STK32B: variants seen among roughly 807,000 people sequenced by gnomAD.
The protein encoded by STK32B is serine/threonine-protein kinase 32B.
Under a neutral mutation model 52.6 loss-of-function variants are expected in STK32B, and 43 were observed. The observed-to-expected ratio is 0.82, with a 90% CI of 0.64 to 1.05. The LOEUF (loss-of-function observed/expected upper bound fraction) is 1.05, where lower values mean the gene tolerates loss of function less well. Among genes scored for constraint, STK32B ranks in the 50% least tolerant of loss-of-function variants. STK32B has a pLI of 0.00. For synonymous variants in STK32B, 238 were observed against 204.3 expected (o/e 1.17, Z -1.41); for missense variants, 621 against 534.6 (o/e 1.16, Z -1.59).
At chr4:5,096,125 T>C (rs189727108) in intron 1 of STK32B, among the ~76,000 whole-genome samples, 1 of 152,358 alleles carries the variant, frequency 6.6e-6, no homozygotes. Context: ...TTGAAAACAT[T>C]CTAAGAATAT....
intron 11 of STK32B, among the ~76,000 whole-genome samples, chr4:5,495,734 T>G (rs544618783): frequency 3.3e-5 from 5 of 152,266 alleles, no homozygotes; most frequent in African/African-American, 1.2e-4. Context: ...TTGATGATGG[T>G]GATGTACAGA....
chr4:5,233,261 A>G (rs1405644596), intron 3 of STK32B, among the ~76,000 whole-genome samples: 3 of 152,170 alleles, frequency 2.0e-5, no homozygotes, highest in Non-Finnish European at 4.4e-5. Context: ...AGGCAAGGTT[A>G]TGTGGTATTC....
intron 3 of STK32B, among the ~76,000 whole-genome samples, chr4:5,263,781 A>T (rs1256580463): frequency 6.6e-6 from 1 of 152,156 alleles, no homozygotes; most frequent in East Asian, 1.9e-4. Flanking sequence ...TTTATAGACT[A>T]TTTCTATCAT....
At chr4:5,112,342 G>C (rs544396016) in intron 1 of STK32B, among the ~76,000 whole-genome samples, 28 of 152,180 alleles carry the variant, frequency 1.8e-4, no homozygotes, top group Non-Finnish European at 3.5e-4. Context: ...AGGAGACTAA[G>C]ACATCCCAAG....
intron 6 of STK32B, among the ~76,000 whole-genome samples, chr4:5,443,339 CTTCATTTCA>C (rs1048909094): frequency 6.6e-6 from 1 of 151,800 alleles, no homozygotes; most frequent in Admixed American, 6.6e-5. Flanking sequence ...TCCCTTCTCG[CTTCATTTCA>C]TTCATTTCAT....
intron 3 of STK32B, among the ~76,000 whole-genome samples, chr4:5,178,293 C>T (rs1465688507): frequency 6.6e-6 from 1 of 152,214 alleles, no homozygotes; most frequent in African/African-American, 2.4e-5. Flanking sequence ...AACAGCCTGA[C>T]CTGAACTTTG....
At position 5,058,953 on chromosome 4, in the gene STK32B, G is replaced by A. The variant is rs187959089; in HGVS notation, c.52+7038G>A. ...TTTGGTAGAGATGGGGTTTCACCAT[G>A]TTGGCCAGGCTGGTCTCGAACTCCT... On this transcript the variant is annotated intron_variant, in intron 1 of 11. Coordinates refer to ENST00000282908, the MANE Select transcript of STK32B (RefSeq NM_018401.3). This position sits in a 1 kb window ranked among gnomAD's most constrained non-coding sequence, Gnocchi z 4.8. 6.7e-6 allele frequency among the ~76,000 whole-genome samples: 1 copy of A among 149,496 alleles called. No homozygotes were observed. The highest frequency in any genetic ancestry group is 2.5e-5 in the African/African-American group (1 of 40,626).
chr4:5,491,615 G>T (rs1319213840), intron 11 of STK32B, among the ~76,000 whole-genome samples: 1 of 152,024 alleles, frequency 6.6e-6, no homozygotes, highest in East Asian at 1.9e-4. Context: ...GGCTTTTGTT[G>T]CCATTGCTTT....
chr4:5,301,057 T>G (rs1729521206), intron 3 of STK32B, among the ~76,000 whole-genome samples: 1 of 152,154 alleles, frequency 6.6e-6, no homozygotes, highest in Non-Finnish European at 1.5e-5. Flanking sequence ...AGTTTTATCT[T>G]TTATTCTATT....
intron 4 of STK32B, among the ~76,000 whole-genome samples, chr4:5,367,877 A>G (rs1734977137): frequency 6.6e-6 from 1 of 152,124 alleles, no homozygotes. Context: ...CTCCAATCTC[A>G]TATAAGATTC....
At chr4:5,099,740 G>A (rs1169136671) in intron 1 of STK32B, among the ~76,000 whole-genome samples, 8 of 152,162 alleles carry the variant, frequency 5.3e-5, no homozygotes. Flanking sequence ...CTGTACTGTA[G>A]GTATATGTGG....
intron 3 of STK32B, among the ~76,000 whole-genome samples, chr4:5,316,142 T>TATAAATAA (rs1370062071): frequency 1.0e-5 from 1 of 98,984 alleles, no homozygotes; most frequent in Non-Finnish European, 1.9e-5. Context: ...GTTATATATA[T>TATAAATAA]ATATAACTAA....
intron 3 of STK32B, among the ~76,000 whole-genome samples, chr4:5,205,703 C>CGTGTGTGTGT (rs71169688): frequency 4.3e-5 from 6 of 140,962 alleles, no homozygotes; most frequent in Non-Finnish European, 8.2e-5. Context: ...GGCGCGCGCG[C>CGTGTGTGTGT]GTGTGTGTGT....
At chr4:5,263,041 TC>T (rs1384893049) in intron 3 of STK32B, among the ~76,000 whole-genome samples, 1 of 140,452 alleles carries the variant, frequency 7.1e-6, no homozygotes, top group Non-Finnish European at 1.5e-5. Context: ...TGCTCATACC[TC>T]TGTTTAGCAT....
At chr4:5,246,583 A>G (rs1324021903) in intron 3 of STK32B, among the ~76,000 whole-genome samples, 3 of 152,142 alleles carry the variant, frequency 2.0e-5, no homozygotes, top group East Asian at 1.9e-4. Context: ...TGTCATAGTC[A>G]TTCTCTGTCC....
chr4:5,450,012 G>A (rs149720701), intron 7 of STK32B, among the ~76,000 whole-genome samples: 15 of 152,132 alleles, frequency 9.9e-5, no homozygotes, highest in Non-Finnish European at 1.2e-4. Flanking sequence ...AACCATCCCC[G>A]CAACCCTAGT....
intron 3 of STK32B, among the ~76,000 whole-genome samples, chr4:5,226,422 A>G (rs887795029): frequency 2.6e-5 from 4 of 152,232 alleles, no homozygotes; most frequent in East Asian, 1.9e-4. Flanking sequence ...GTCCAAAAAC[A>G]TTAAATGAAA....
intron 1 of STK32B, among the ~76,000 whole-genome samples, chr4:5,073,104 C>T (rs1711875640): frequency 6.6e-6 from 1 of 151,932 alleles, no homozygotes; most frequent in African/African-American, 2.4e-5. Context: ...TTGTATTTTG[C>T]CTGGAAACCT....
At position 5,453,623 on chromosome 4, in the gene STK32B, G is replaced by T. The variant is rs1340631299; in HGVS notation, c.667-3184G>T. ...GAGCAATTATAAATAGTCCAAAACG[G>T]CTGGGTGCAGTGGCTTACGTCTGTA... On this transcript the variant is annotated intron_variant, in intron 7 of 11. Coordinates refer to ENST00000282908, the MANE Select transcript of STK32B (RefSeq NM_018401.3). This position sits in a 1 kb window ranked among gnomAD's most constrained non-coding sequence, Gnocchi z 4.0. Among the ~76,000 whole-genome samples, 2 of 152,162 alleles carry T rather than the reference G, an allele frequency of 1.3e-5. No individual in the cohort carries two copies. The highest frequency in any genetic ancestry group is 6.5e-5 in the Admixed American group (1 of 15,272).
Sources: gnomAD v4.1 joint callset for allele counts (sites outside exome capture counted in the v4.1 genomes callset) on GRCh38, gnomAD v4.1.1 for gene constraint, Gnocchi (gnomAD v3.1) non-coding constraint, MANE v1.5 for transcripts, NCBI Gene and HGNC (gene_info 2026-07-23, HGNC 2026-07-21) for gene names.